ARHGAP32: variants seen among roughly 807,000 people sequenced by gnomAD.
The protein encoded by ARHGAP32 is Rho GTPase activating protein 32.
A neutral mutation model predicts 186.5 loss-of-function variants in ARHGAP32; 51 were observed. That is an observed-to-expected ratio of 0.27 (90% CI 0.22 to 0.35). ARHGAP32 has a LOEUF of 0.35. ARHGAP32 is among the 10% of genes least tolerant of loss of function. ARHGAP32 has a pLI of 1.00. For synonymous variants in ARHGAP32, 950 were observed against 964.3 expected (o/e 0.99, Z 0.27); for missense variants, 2,186 against 2,623.5 (o/e 0.83, Z 3.64).
chr11:128,974,737 C>T lies in ARHGAP32; in HGVS notation c.2460G>A (p.Lys820=). The part of the protein sequence containing the change: ...DPMSFQCSPP[K]AESECLESGA... ...CACTCTCCAGACATTCTGATTCGGC[C>T]TTAGGAGGACTACATTGAAATGACA... is the stretch of plus-strand genomic sequence containing the variant. Residue 820 remains lysine, a synonymous_variant, in exon 21 of 23, where the codon AAG becomes AAA. Coordinates refer to ENST00000682385, the MANE Select transcript of ARHGAP32 (RefSeq NM_001378024.1). 6.2e-7 allele frequency: 1 copy of T among 1,614,162 alleles called. No individual in the cohort carries two copies. The highest frequency in any genetic ancestry group is 8.5e-7 in the Non-Finnish European group (1 of 1,180,020).
rs144222213 is a variant in ARHGAP32 at position 128,986,623 on chromosome 11, C to T, written c.1344G>A (p.Pro448=). 21 of 1,614,004 alleles carry T rather than the reference C, an allele frequency of 1.3e-5. No homozygotes were observed. In the East Asian group the frequency reaches 1.6e-4, roughly 12 times the overall value. ...SEHVPDLTKE[P]YVQDIHSVGS... Reference sequence around the variant, plus strand: ...CCACAGAATGGATGTCCTGAACATACGGTTCTTTCGTCAGGTCGGGGACGT... The same window carrying T: ...CCACAGAATGGATGTCCTGAACATATGGTTCTTTCGTCAGGTCGGGGACGT... Residue 448 remains proline, a synonymous_variant, in exon 14 of 23, where the codon CCG becomes CCA. Transcript: ENST00000682385.
chr11:128,999,503 G>A (rs1946294994), intron 11 of ARHGAP32, among the ~76,000 whole-genome samples: 1 of 152,150 alleles, frequency 6.6e-6, no homozygotes, highest in Non-Finnish European at 1.5e-5. Flanking sequence ...TGTGAAGCAT[G>A]TGATCTCTGT....
intron 6 of ARHGAP32, among the ~76,000 whole-genome samples, chr11:129,073,564 G>A (rs927646221): frequency 6.6e-6 from 1 of 151,826 alleles, no homozygotes; most frequent in Non-Finnish European, 1.5e-5. Context: ...TAAAGAAAAG[G>A]AACAGAACAT....
At chr11:128,987,072 A>G (rs1394289106) in intron 13 of ARHGAP32, among the ~76,000 whole-genome samples, 1 of 152,240 alleles carries the variant, frequency 6.6e-6, no homozygotes, top group Non-Finnish European at 1.5e-5. Context: ...GAAATTCCTC[A>G]GATACAGATT....
intron 10 of ARHGAP32, among the ~76,000 whole-genome samples, chr11:129,059,496 A>ATTTT (rs10677456): frequency 6.1e-5 from 7 of 115,634 alleles, no homozygotes; most frequent in African/African-American, 1.4e-4. Context: ...CTGATTTGCA[A>ATTTT]TTTTTTTTTT....
intron 1 of ARHGAP32, among the ~76,000 whole-genome samples, chr11:129,205,505 A>G (rs551301177): frequency 9.9e-5 from 15 of 152,120 alleles, no homozygotes; most frequent in Non-Finnish European, 1.9e-4. Flanking sequence ...GGGCTCAGAC[A>G]ATTCAAATTC....
chr11:129,229,606 T>G (rs896147309), intron 1 of ARHGAP32, among the ~76,000 whole-genome samples: 1 of 152,102 alleles, frequency 6.6e-6, no homozygotes, highest in African/African-American at 2.4e-5. Context: ...GAAAAGTCTA[T>G]AGAGCTCTAA....
At chr11:129,232,179 G>T (rs997856322) in intron 1 of ARHGAP32, among the ~76,000 whole-genome samples, 2 of 152,008 alleles carry the variant, frequency 1.3e-5, no homozygotes, top group Non-Finnish European at 2.9e-5. Flanking sequence ...CATAGAGTTT[G>T]AGAACCACAC....
At chr11:129,114,961 A>G (rs1011557643) in intron 5 of ARHGAP32, among the ~76,000 whole-genome samples, 5 of 152,116 alleles carry the variant, frequency 3.3e-5, no homozygotes, top group Non-Finnish European at 7.4e-5. Context: ...AAAATATACC[A>G]CCCACCCACA....
At chr11:129,131,816 C>A (rs1487598457) in intron 2 of ARHGAP32, among the ~76,000 whole-genome samples, 1 of 152,110 alleles carries the variant, frequency 6.6e-6, no homozygotes, top group Non-Finnish European at 1.5e-5. Context: ...TAAAGGAAGA[C>A]CCTACTGTAT....
chr11:129,213,744 C>G (rs1360238221), intron 1 of ARHGAP32, among the ~76,000 whole-genome samples: 1 of 152,012 alleles, frequency 6.6e-6, no homozygotes, highest in African/African-American at 2.4e-5. Context: ...TTTTAAAACA[C>G]TTCAAATAGA....
At chr11:129,220,092 C>T (rs1016875443) in intron 1 of ARHGAP32, among the ~76,000 whole-genome samples, 1 of 152,150 alleles carries the variant, frequency 6.6e-6, no homozygotes, top group East Asian at 1.9e-4. Context: ...AAAACTAGAT[C>T]AGACAGACCA....
Position 129,123,803 on chromosome 11 carries a change from A to G in ARHGAP32, c.359+85T>C. ...AATCAATGTCCATAGAAAAACTGCT[A>G]TTTTCGGCAAATGTTATGGAAACTG... is the stretch of plus-strand genomic sequence containing the variant. On this transcript the variant is annotated intron_variant, in intron 4 of 22. Coordinates refer to ENST00000682385, the MANE Select transcript of ARHGAP32 (RefSeq NM_001378024.1). The surrounding 1 kb of genome is among the most constrained non-coding windows in gnomAD (Gnocchi z 4.6). 1.7e-6 allele frequency: 2 copies of G among 1,158,478 alleles called. No homozygotes were observed. Among genetic ancestry groups the G allele is most frequent in the South Asian group, 1.4e-5 (1 of 71,178 alleles). The allele number at this position is 1,158,478 out of a possible 1,614,324, so 71.8% of individuals were successfully genotyped here. A position where few individuals can be genotyped will look rare whatever the true frequency, so the allele number is the denominator to read the frequency against.
chr11:129,237,313 C>T (rs993331727), intron 1 of ARHGAP32, among the ~76,000 whole-genome samples: 16 of 152,114 alleles, frequency 1.1e-4, no homozygotes, highest in African/African-American at 3.9e-4. Flanking sequence ...ATACAAATTT[C>T]CCTTTGTTTA....
chr11:129,014,890 C>CTCTGTTGCA lies in ARHGAP32; in HGVS notation c.1046-16431_1046-16423dup, dbSNP rs555177875. On this transcript the variant is annotated intron_variant, in intron 11 of 22. Transcript: ENST00000682385. ...TCTCACAAATTCTATCATTCTCAGT[C>CTCTGTTGCA]TCTGTTGCATACCTTAAAGTACTTT... is the stretch of plus-strand genomic sequence containing the variant. 5.6e-3 allele frequency among the ~76,000 whole-genome samples: 851 copies of CTCTGTTGCA among 152,252 alleles called. 11 individuals carry two copies. The highest frequency in any genetic ancestry group is 0.019 in the African/African-American group (799 of 41,544).
intron 1 of ARHGAP32, among the ~76,000 whole-genome samples, chr11:129,166,108 C>T (rs1029730169): frequency 2.6e-5 from 4 of 151,628 alleles, no homozygotes; most frequent in African/African-American, 9.7e-5. Flanking sequence ...AAGAACTAAC[C>T]AGATACATTT....
At chr11:129,195,331 T>C (rs1368124943), upstream of ARHGAP32, among the ~76,000 whole-genome samples, 1 of 152,130 alleles carries the variant, frequency 6.6e-6, no homozygotes, top group Non-Finnish European at 1.5e-5. Context: ...CATTCTTTTG[T>C]TCTTTCATTA....
chr11:129,189,404 A>T (rs1224393413), intron 1 of ARHGAP32, among the ~76,000 whole-genome samples: 1 of 152,232 alleles, frequency 6.6e-6, no homozygotes, highest in Non-Finnish European at 1.5e-5. Flanking sequence ...TACACTGTAT[A>T]AAGCATATAT....
intron 11 of ARHGAP32, among the ~76,000 whole-genome samples, chr11:129,010,984 T>C (rs1316736140): frequency 6.6e-6 from 1 of 152,222 alleles, no homozygotes; most frequent in Non-Finnish European, 1.5e-5. Context: ...ATATTAACTA[T>C]TAATCATTTA....
Sources: allele counts gnomAD v4.1 joint callset (sites outside exome capture counted in the v4.1 genomes callset), GRCh38; gene constraint gnomAD v4.1.1; non-coding constraint Gnocchi (gnomAD v3.1); transcripts MANE v1.5; gene names NCBI Gene and HGNC (gene_info 2026-07-23, HGNC 2026-07-21).